LRIF1: variants seen among roughly 807,000 people sequenced by gnomAD.
The protein encoded by LRIF1 is ligand-dependent nuclear receptor-interacting factor 1.
LRIF1 carries 32 observed loss-of-function variants against 52.7 expected under a neutral mutation model. That is an observed-to-expected ratio of 0.61 (90% CI 0.46 to 0.82). The LOEUF is 0.82. LRIF1 is among the 40% of genes least tolerant of loss of function. The pLI, the probability that LRIF1 is intolerant of heterozygous loss-of-function variation, is 0.00. For missense variants in LRIF1, 887 were observed against 892.0 expected (o/e 0.99, Z 0.07); for synonymous variants, 323 against 317.4 (o/e 1.02, Z -0.19).
chr1:110,959,736 CAA>C (rs11320169), intron 1 of LRIF1, among the ~76,000 whole-genome samples: 86 of 56,346 alleles, frequency 1.5e-3, no homozygotes, highest in Non-Finnish European at 1.5e-3. Flanking sequence ...GACTCCATCT[CAA>C]AAAAAAAAAA....
At chr1:110,939,673 C>A in the LRIF1 span, 2 of 152,170 alleles carry the variant, frequency 1.3e-5, no homozygotes, top group South Asian at 2.1e-4. Flanking sequence ...AACCTGGAAA[C>A]GAATCCACAC....
chr1:110,902,811 G>A, the LRIF1 span, among the ~76,000 whole-genome samples: 8 of 152,164 alleles, frequency 5.3e-5, no homozygotes, highest in Admixed American at 5.2e-4. Flanking sequence ...AACCACCTTC[G>A]TATGAACCAA....
At chr1:110,908,411 A>G in the LRIF1 span, among the ~76,000 whole-genome samples, 10 of 152,210 alleles carry the variant, frequency 6.6e-5, no homozygotes, top group African/African-American at 2.4e-4. Flanking sequence ...CCAGACTGAA[A>G]TGACTGAAAT....
intron 1 of LRIF1, among the ~76,000 whole-genome samples, chr1:110,961,484 C>A (rs1658944671): frequency 6.6e-6 from 1 of 152,102 alleles, no homozygotes; most frequent in Non-Finnish European, 1.5e-5. Context: ...TAAATGCATA[C>A]CATCACAAAT....
At chr1:110,956,303 T>TA (rs1394458309) in intron 1 of LRIF1, among the ~76,000 whole-genome samples, 1 of 152,060 alleles carries the variant, frequency 6.6e-6, no homozygotes, top group South Asian at 2.1e-4. Context: ...CAAGCACAGA[T>TA]AAAGAGAAAG....
At position 110,948,356 on chromosome 1, in the gene LRIF1, ATCT is replaced by A. The variant is rs754090645; in HGVS notation, c.1910_1912del (p.Lys637del). On this transcript the variant is annotated inframe_deletion, in exon 4 of 4. Coordinates refer to ENST00000369763, the MANE Select transcript of LRIF1 (RefSeq NM_018372.4). ...TGTTTTTCTCTTCTTTATGTGATCC[ATCT>A]TCTTATTAGTTTTTGCTTTTCTTTT... The A allele has an allele frequency of 2.4e-5, 38 of 1,613,564 alleles. No homozygotes were observed. The highest frequency in any genetic ancestry group is 1.2e-4 in the African/African-American group (9 of 74,876).
At chr1:110,885,872 A>T in the LRIF1 span, among the ~76,000 whole-genome samples, 1 of 152,190 alleles carries the variant, frequency 6.6e-6, no homozygotes, top group African/African-American at 2.4e-5. Context: ...TCAAAAAAAT[A>T]AAAATAAAAA....
chr1:110,956,994 T>A (rs1028720713), intron 1 of LRIF1, among the ~76,000 whole-genome samples: 2 of 152,250 alleles, frequency 1.3e-5, no homozygotes, highest in African/African-American at 4.8e-5. Flanking sequence ...CAACTAATTA[T>A]CCCTCCATAT....
At position 110,948,231 on chromosome 1, in the gene LRIF1, T is replaced by C. The variant is rs936599617; in HGVS notation, c.2038A>G (p.Ile680Val). ...CTGGTTTTGCTGTGACTCGTGAGAATGTTATGTTGTGACACATCTGAAGTT... is the reference window on the plus strand; with the variant it reads ...CTGGTTTTGCTGTGACTCGTGAGAACGTTATGTTGTGACACATCTGAAGTT... ...LPTSDVSQHNILTSHSKTRQE... is the reference protein window; with the variant it reads ...LPTSDVSQHNVLTSHSKTRQE... Residue 680 changes from isoleucine to valine, a missense_variant, in exon 4 of 4, where the codon ATT becomes GTT. Transcript: ENST00000369763. 7.4e-6 allele frequency: 12 copies of C among 1,614,148 alleles called. 2 individuals are homozygous for C. In the South Asian group the frequency reaches 1.1e-4, roughly 15 times the overall value.
the LRIF1 span, chr1:110,941,099 A>G: frequency 6.6e-6 from 1 of 152,108 alleles, no homozygotes; most frequent in African/African-American, 2.4e-5. Flanking sequence ...CCATGAATAT[A>G]TACACCTACT....
the LRIF1 span, among the ~76,000 whole-genome samples, chr1:110,876,103 C>T: frequency 6.1e-4 from 93 of 152,212 alleles, no homozygotes; most frequent in African/African-American, 2.1e-3. Context: ...GTACTTCAAG[C>T]GAAGTTAGAG....
chr1:110,946,904 G>A (rs560617685), downstream of LRIF1, among the ~76,000 whole-genome samples: 384 of 152,054 alleles, frequency 2.5e-3, 1 homozygote, highest in African/African-American at 8.8e-3. Context: ...TGATCCGCCC[G>A]CCTCGGCCTC....
the LRIF1 span, among the ~76,000 whole-genome samples, chr1:110,893,749 A>G: frequency 1.3e-5 from 2 of 152,258 alleles, no homozygotes; most frequent in Admixed American, 6.5e-5. Flanking sequence ...AAATGTTTTA[A>G]GCAGTCAAAA....
At chr1:110,959,404 A>G (rs1658853827) in intron 1 of LRIF1, among the ~76,000 whole-genome samples, 1 of 152,184 alleles carries the variant, frequency 6.6e-6, no homozygotes, top group Admixed American at 6.5e-5. Context: ...ATCTTCCATT[A>G]AAATATGCAA....
At chr1:110,919,450 TCTCTTG>T in the LRIF1 span, among the ~76,000 whole-genome samples, 1 of 150,550 alleles carries the variant, frequency 6.6e-6, no homozygotes. Context: ...AAGTTTGGAC[TCTCTTG>T]CTCCTCAAGC....
chr1:110,914,113 G>T, the LRIF1 span, among the ~76,000 whole-genome samples: 2 of 152,036 alleles, frequency 1.3e-5, no homozygotes, highest in Admixed American at 1.3e-4. Flanking sequence ...AAGTACACAT[G>T]GACACAGAGA....
the LRIF1 span, among the ~76,000 whole-genome samples, chr1:110,917,107 G>C: frequency 6.6e-6 from 1 of 152,120 alleles, no homozygotes; most frequent in African/African-American, 2.4e-5. Flanking sequence ...CCTTCTCCTG[G>C]ATCCTCCTTC....
chr1:110,893,408 C>T, the LRIF1 span, among the ~76,000 whole-genome samples: 3 of 152,128 alleles, frequency 2.0e-5, no homozygotes, highest in Admixed American at 6.5e-5. Context: ...CCACAGCCTC[C>T]GCCTCCCGGG....
chr1:110,875,078 A>C, the LRIF1 span, among the ~76,000 whole-genome samples: 1 of 152,234 alleles, frequency 6.6e-6, no homozygotes, highest in Non-Finnish European at 1.5e-5. Context: ...GGAGTGTGCC[A>C]AAAACTGCCT....
Sources: gnomAD v4.1 joint callset for allele counts (sites outside exome capture counted in the v4.1 genomes callset) on GRCh38, gnomAD v4.1.1 for gene constraint, MANE v1.5 for transcripts, NCBI Gene and HGNC (gene_info 2026-07-23, HGNC 2026-07-21) for gene names.